The following FANCC variants were observed in gnomAD, a reference collection of about 807,000 sequenced individuals.
The protein encoded by FANCC is FA complementation group C.
Under a neutral mutation model 71.3 loss-of-function variants are expected in FANCC, and 55 were observed. The observed-to-expected ratio is 0.77, with a 90% CI of 0.62 to 0.97. The LOEUF is 0.97. Ranked by LOEUF, FANCC falls within the 50% of genes least tolerant of loss-of-function variation. The pLI, the probability that FANCC is intolerant of heterozygous loss-of-function variation, is 0.00. For missense variants in FANCC, 678 were observed against 670.9 expected (o/e 1.01, Z -0.12); for synonymous variants, 275 against 244.9 (o/e 1.12, Z -1.15).
Position 95,099,089 on chromosome 9 carries a change from A to G in FANCC, c.*2618T>C. On this transcript the variant is annotated 3_prime_UTR_variant, in exon 15 of 15. Coordinates refer to ENST00000289081, the MANE Select transcript of FANCC (RefSeq NM_000136.3). ...ACTGAAGTTTTATTTAGAATGAAAA[A>G]ATAGACAACAAATTACAGATTTTAA... 1 of 194,696 alleles carries G rather than the reference A, an allele frequency of 5.1e-6. No homozygotes were observed. The highest frequency in any genetic ancestry group is 8.1e-5 in the East Asian group (1 of 12,342). The allele number at this position is 194,696 out of a possible 1,614,324, so 12.1% of individuals were successfully genotyped here.
At chr9:95,182,904 AAGG>A (rs1826466186) in intron 4 of FANCC, among the ~76,000 whole-genome samples, 1 of 151,970 alleles carries the variant, frequency 6.6e-6, no homozygotes, top group Admixed American at 6.6e-5. Context: ...GTGACTGGGG[AAGG>A]AGTAGAGAAA....
chr9:95,293,700 C>A lies in FANCC; in HGVS notation c.-79+23826G>T, dbSNP rs1834198676. ...GTTGTTTGATTCTCAAGTGTCTCTT[C>A]CCATTAGTGTTCACACTCAGACATT... On this transcript the variant is annotated intron_variant, in intron 1 of 14. Transcript: ENST00000289081. The A allele has an allele frequency of 6.2e-6, 10 of 1,613,808 alleles. No homozygotes were observed. The East Asian group carries it at 1.8e-4, about 29-fold the overall frequency.
chr9:95,169,311 G>T (rs1340249101), intron 6 of FANCC, among the ~76,000 whole-genome samples: 1 of 152,172 alleles, frequency 6.6e-6, no homozygotes, highest in African/African-American at 2.4e-5. Context: ...AGTTACGATG[G>T]AAAAGACATT....
chr9:95,116,385 C>T (rs951281835), intron 11 of FANCC, among the ~76,000 whole-genome samples: 18 of 152,208 alleles, frequency 1.2e-4, no homozygotes, highest in African/African-American at 4.1e-4. Flanking sequence ...GTTAGGGGAT[C>T]ACCCTGGGCA....
intron 4 of FANCC, among the ~76,000 whole-genome samples, chr9:95,239,024 C>A (rs1195369486): frequency 6.6e-6 from 1 of 152,182 alleles, no homozygotes; most frequent in Admixed American, 6.5e-5. Context: ...CCCACAGTTC[C>A]CTGAATACGT....
At chr9:95,192,596 G>A (rs974461719) in intron 4 of FANCC, among the ~76,000 whole-genome samples, 2 of 152,054 alleles carry the variant, frequency 1.3e-5, no homozygotes, top group South Asian at 2.1e-4. Context: ...TAAATATAAC[G>A]TCTCTAGAAA....
chr9:95,214,557 T>C (rs1022254926), intron 4 of FANCC, among the ~76,000 whole-genome samples: 6 of 152,216 alleles, frequency 3.9e-5, no homozygotes, highest in African/African-American at 1.4e-4. Flanking sequence ...TACACCCATG[T>C]TCCCACCAGC....
At chr9:95,169,097 T>C (rs1825495100) in intron 6 of FANCC, among the ~76,000 whole-genome samples, 3 of 151,788 alleles carry the variant, frequency 2.0e-5, no homozygotes, top group Non-Finnish European at 4.4e-5. Context: ...CACAGAGAAG[T>C]TGTAAAGTGC....
intron 4 of FANCC, among the ~76,000 whole-genome samples, chr9:95,188,137 G>A (rs1043009105): frequency 1.3e-5 from 2 of 152,190 alleles, no homozygotes; most frequent in Non-Finnish European, 1.5e-5. Flanking sequence ...GGGAGAAAGA[G>A]GTCTTTAATG....
At chr9:95,227,348 C>A (rs1829683739) in intron 4 of FANCC, among the ~76,000 whole-genome samples, 1 of 152,198 alleles carries the variant, frequency 6.6e-6, no homozygotes, top group Non-Finnish European at 1.5e-5. Flanking sequence ...GGGGGCTCAG[C>A]TCACCAGTGC....
Position 95,135,836 on chromosome 9 carries a change from T to C in FANCC, c.687-334A>G, listed in dbSNP as rs149018321. On this transcript the variant is annotated intron_variant, in intron 7 of 14. Transcript: ENST00000289081. ...GGCCTCGTGATGCCCAGTCCCTAAC[T>C]GAAGAAATAGGCATGTTCAAACACG... 4.1e-3 allele frequency among the ~76,000 whole-genome samples: 618 copies of C among 152,292 alleles called. 3 individuals carry two copies. The highest frequency in any genetic ancestry group is 6.8e-3 in the Middle Eastern group (2 of 294).
chr9:95,267,019 T>A (rs1185154162), intron 1 of FANCC, among the ~76,000 whole-genome samples: 1 of 151,818 alleles, frequency 6.6e-6, no homozygotes, highest in Non-Finnish European at 1.5e-5. Flanking sequence ...ACACACAAAA[T>A]AAACATTTCT....
intron 4 of FANCC, among the ~76,000 whole-genome samples, chr9:95,236,717 C>T (rs1199386138): frequency 6.6e-6 from 1 of 152,154 alleles, no homozygotes; most frequent in African/African-American, 2.4e-5. Flanking sequence ...ACTTGTAATG[C>T]TCCAGTAACA....
chr9:95,158,173 G>A (rs942530057), intron 6 of FANCC, among the ~76,000 whole-genome samples: 10 of 151,980 alleles, frequency 6.6e-5, no homozygotes, highest in African/African-American at 2.2e-4. Flanking sequence ...ATTCTGCTAG[G>A]CTATGTGCAA....
At chr9:95,130,267 T>C (rs1826685601) in intron 8 of FANCC, among the ~76,000 whole-genome samples, 1 of 151,920 alleles carries the variant, frequency 6.6e-6, no homozygotes, top group Non-Finnish European at 1.5e-5. Flanking sequence ...CATTTCTTTC[T>C]GTCATTTGCT....
At chr9:95,263,228 C>T (rs1176562243) in intron 1 of FANCC, among the ~76,000 whole-genome samples, 1 of 152,076 alleles carries the variant, frequency 6.6e-6, no homozygotes, top group Non-Finnish European at 1.5e-5. Flanking sequence ...CTCCTCAGGG[C>T]CCCCTCAGAA....
chr9:95,140,377 TTG>T (rs1564686017), intron 7 of FANCC, among the ~76,000 whole-genome samples: 1 of 152,184 alleles, frequency 6.6e-6, no homozygotes. Flanking sequence ...AGTGAGGCAG[TTG>T]TGTTTTCTCA....
At chr9:95,181,858 T>TAGA (rs1464000789) in intron 4 of FANCC, among the ~76,000 whole-genome samples, 1 of 152,222 alleles carries the variant, frequency 6.6e-6, no homozygotes, top group African/African-American at 2.4e-5. Flanking sequence ...CGAGTGAACT[T>TAGA]TCCTAAGAAG....
At chr9:95,282,590 C>T (rs1436432842) in intron 1 of FANCC, among the ~76,000 whole-genome samples, 1 of 152,128 alleles carries the variant, frequency 6.6e-6, no homozygotes, top group Non-Finnish European at 1.5e-5. Flanking sequence ...ATGGACCTAA[C>T]AAACATTTAC....
Sources: allele counts gnomAD v4.1 joint callset (sites outside exome capture counted in the v4.1 genomes callset), GRCh38; gene constraint gnomAD v4.1.1; transcripts MANE v1.5; gene names NCBI Gene and HGNC (gene_info 2026-07-23, HGNC 2026-07-21).